ATOSA: variants seen among roughly 807,000 people sequenced by gnomAD.
ATOSA encodes atos homolog protein A.
the ATOSA span, among the ~76,000 whole-genome samples, chr15:52,667,026 G>A: frequency 6.6e-6 from 1 of 152,094 alleles, no homozygotes; most frequent in Non-Finnish European, 1.5e-5. Flanking sequence ...AGTGTCAAAT[G>A]TGCTTGTAGT....
At chr15:52,645,777 T>C in the ATOSA span, among the ~76,000 whole-genome samples, 2 of 152,208 alleles carry the variant, frequency 1.3e-5, no homozygotes, top group Admixed American at 6.5e-5. Flanking sequence ...TGTGGGAATA[T>C]TCCTGATTAT....
At chr15:52,582,015 G>T in the ATOSA span, 1 of 635,666 alleles carries the variant, frequency 1.6e-6, no homozygotes, top group Non-Finnish European at 2.5e-6. Context: ...TTCATTTCAG[G>T]AATCCTTTCA....
the ATOSA span, among the ~76,000 whole-genome samples, chr15:52,596,344 A>C: frequency 6.6e-6 from 1 of 152,222 alleles, no homozygotes; most frequent in Non-Finnish European, 1.5e-5. Flanking sequence ...TGAAAAGATA[A>C]AGGAGCTAGA....
the ATOSA span, among the ~76,000 whole-genome samples, chr15:52,592,838 GCTAGTATC>G: frequency 6.6e-6 from 1 of 152,252 alleles, no homozygotes; most frequent in East Asian, 1.9e-4. Context: ...GTCTGAAGTA[GCTAGTATC>G]CTAAAGAACT....
At chr15:52,655,314 T>G in the ATOSA span, among the ~76,000 whole-genome samples, 1 of 152,152 alleles carries the variant, frequency 6.6e-6, no homozygotes, top group Non-Finnish European at 1.5e-5. Context: ...TCATTATACC[T>G]CAAAATTACC....
At chr15:52,673,852 T>C in the ATOSA span, among the ~76,000 whole-genome samples, 6 of 152,240 alleles carry the variant, frequency 3.9e-5, no homozygotes, top group African/African-American at 1.2e-4. Flanking sequence ...CATTATGCTA[T>C]AGTTAAGTTC....
chr15:52,702,779 C>CAAAAA, the ATOSA span, among the ~76,000 whole-genome samples: 1 of 91,910 alleles, frequency 1.1e-5, no homozygotes, highest in Non-Finnish European at 2.2e-5. Context: ...AAAGTGTTTC[C>CAAAAA]AAAAAAAAAA....
the ATOSA span, among the ~76,000 whole-genome samples, chr15:52,669,699 G>T: frequency 6.6e-6 from 1 of 152,124 alleles, no homozygotes; most frequent in African/African-American, 2.4e-5. Flanking sequence ...TTCCCAAAGG[G>T]GATATGTTTA....
chr15:52,625,809 G>A, the ATOSA span, among the ~76,000 whole-genome samples: 1 of 152,172 alleles, frequency 6.6e-6, no homozygotes, highest in Non-Finnish European at 1.5e-5. Context: ...CCATCAACCT[G>A]AGTTGTGAAT....
At chr15:52,640,571 CAAAAA>C in the ATOSA span, among the ~76,000 whole-genome samples, 7 of 27,568 alleles carry the variant, frequency 2.5e-4, no homozygotes, top group African/African-American at 1.1e-3. Context: ...ACTCAAGTCT[CAAAAA>C]AAAAAAAAAA....
the ATOSA span, among the ~76,000 whole-genome samples, chr15:52,680,831 C>T: frequency 6.6e-6 from 1 of 152,088 alleles, no homozygotes; most frequent in Non-Finnish European, 1.5e-5. Flanking sequence ...TTATTGAATA[C>T]TGTATTATGT....
At chr15:52,658,426 A>T in the ATOSA span, 1 of 249,150 alleles carries the variant, frequency 4.0e-6, no homozygotes, top group Non-Finnish European at 7.5e-6. Flanking sequence ...ATGCAATTTC[A>T]GTTTATAAAG....
the ATOSA span, among the ~76,000 whole-genome samples, chr15:52,638,680 G>A: frequency 0.011 from 1,453 of 135,190 alleles, 23 homozygotes; most frequent in African/African-American, 0.038. Context: ...CAGCCTGGGC[G>A]ACATAGTGAG....
At chr15:52,706,856 TAG>T in the ATOSA span, among the ~76,000 whole-genome samples, 1 of 152,038 alleles carries the variant, frequency 6.6e-6, no homozygotes, top group Admixed American at 6.6e-5. Flanking sequence ...CGCAAATCTG[TAG>T]AGAGAGAAAG....
At chr15:52,653,811 G>A in the ATOSA span, among the ~76,000 whole-genome samples, 1 of 152,118 alleles carries the variant, frequency 6.6e-6, no homozygotes, top group Non-Finnish European at 1.5e-5. Context: ...TGCTTAAAAC[G>A]TAGGTACTAT....
chr15:52,653,613 T>G, the ATOSA span, among the ~76,000 whole-genome samples: 1 of 152,204 alleles, frequency 6.6e-6, no homozygotes, highest in Non-Finnish European at 1.5e-5. Context: ...TGCCATTTAC[T>G]AACAGCGAGA....
chr15:52,657,468 T>C, the ATOSA span: 5 of 152,220 alleles, frequency 3.3e-5, no homozygotes. Flanking sequence ...ACTAAACTCT[T>C]TTGGCTACCT....
chr15:52,681,197 C>A, the ATOSA span, among the ~76,000 whole-genome samples: 1 of 152,108 alleles, frequency 6.6e-6, no homozygotes, highest in African/African-American at 2.4e-5. Flanking sequence ...GAATCTTAAA[C>A]CTGTTCAAAA....
chr15:52,630,879 T>C, the ATOSA span, among the ~76,000 whole-genome samples: 1 of 152,164 alleles, frequency 6.6e-6, no homozygotes, highest in African/African-American at 2.4e-5. Flanking sequence ...TACATACAGG[T>C]TGTAGAACAC....
Sources: allele counts gnomAD v4.1 joint callset (sites outside exome capture counted in the v4.1 genomes callset), GRCh38; gene constraint gnomAD v4.1.1; transcripts MANE v1.5; gene names NCBI Gene and HGNC (gene_info 2026-07-23, HGNC 2026-07-21).